RBM47: variants seen among roughly 807,000 people sequenced by gnomAD.
RBM47 encodes the protein RNA binding motif protein 47, also known as RNA-binding protein 47.
In RBM47, 21 loss-of-function variants were observed where a neutral mutation model predicts 47.1. The ratio of observed to expected loss-of-function variants is 0.45; its 90% CI spans 0.32 to 0.64. RBM47 has a LOEUF of 0.64. RBM47 is among the 30% of genes least tolerant of loss of function. RBM47 has a pLI of 0.05. For missense variants in RBM47, 708 were observed against 870.9 expected (o/e 0.81, Z 2.35); for synonymous variants, 375 against 361.7 (o/e 1.04, Z -0.42).
chr4:40,517,815 T>C (rs1249247384), intron 2 of RBM47, among the ~76,000 whole-genome samples: 1 of 152,214 alleles, frequency 6.6e-6, no homozygotes, highest in Non-Finnish European at 1.5e-5. Flanking sequence ...GCATAACAAC[T>C]ACTTACTAGC....
In RBM47 at chr4:40,489,876, T is replaced by C. The variant is rs1387657992; in HGVS notation, c.-154-23177A>G. On this transcript the variant is annotated intron_variant, in intron 2 of 6. Transcript: ENST00000295971. ...TATCAGAAAATGACAAATCAATATG[T>C]CTTATGCATATGGACTTTTTAAAAA... 2.0e-5 allele frequency among the ~76,000 whole-genome samples: 3 copies of C among 152,190 alleles called. No individual in the cohort carries two copies. The East Asian group carries it at 5.8e-4, about 29-fold the overall frequency.
At chr4:40,528,395 G>A (rs376307743) in intron 2 of RBM47, among the ~76,000 whole-genome samples, 3,120 of 141,706 alleles carry the variant, frequency 0.022, 104 homozygotes, top group African/African-American at 0.085. Context: ...GCGACAGAGT[G>A]AGGCTTTTTT....
chr4:40,609,056 T>C (rs1736014647), intron 1 of RBM47, among the ~76,000 whole-genome samples: 1 of 152,160 alleles, frequency 6.6e-6, no homozygotes, highest in Non-Finnish European at 1.5e-5. Context: ...TGCGGTGGCA[T>C]GATCTCAGCT....
At chr4:40,591,340 A>G (rs1165056388) in intron 1 of RBM47, among the ~76,000 whole-genome samples, 2 of 152,164 alleles carry the variant, frequency 1.3e-5, no homozygotes, top group Non-Finnish European at 2.9e-5. Context: ...TTAACTTTAC[A>G]TTATGTAAAT....
chr4:40,438,270 G>T lies in RBM47; in HGVS notation c.624C>A (p.Ala208=). Residue 208 remains alanine, a synonymous_variant, in exon 4 of 7, where the codon GCC becomes GCA. Transcript: ENST00000295971. ...CAGGCATGAGCTTGCGGCGAGCCATGGCAGCCGCGCGGTGGCTCTCGTACT... is the reference window on the plus strand; with the variant it reads ...CAGGCATGAGCTTGCGGCGAGCCATTGCAGCCGCGCGGTGGCTCTCGTACT... ...FVEYESHRAA[A]MARRKLMPGR... 1 of 1,603,840 alleles carries T rather than the reference G, an allele frequency of 6.2e-7. No individual in the cohort carries two copies. Among genetic ancestry groups the T allele is most frequent in the Non-Finnish European group, 8.5e-7 (1 of 1,179,864 alleles).
rs1738063461 is a variant in RBM47 at position 40,629,771 on chromosome 4, C to G, written c.-615G>C. On this transcript the variant is annotated 5_prime_UTR_variant, in exon 1 of 7. Coordinates refer to ENST00000295971, the MANE Select transcript of RBM47 (RefSeq NM_001098634.2). Reference sequence around the variant, plus strand: ...GCGAAGTTCTCTCGGGCTCAGCTCCCGAGGCCGGGAGCGCGCGGCGGTTCC... The same window carrying G: ...GCGAAGTTCTCTCGGGCTCAGCTCCGGAGGCCGGGAGCGCGCGGCGGTTCC... 1 of 152,312 alleles carries G rather than the reference C, an allele frequency of 6.6e-6. No homozygotes were observed. The highest frequency in any genetic ancestry group is 1.5e-5 in the Non-Finnish European group (1 of 68,030). The allele number at this position is 152,312 out of a possible 1,614,324, so 9.4% of individuals were successfully genotyped here. A position where few individuals can be genotyped will look rare whatever the true frequency, so the allele number is the denominator to read the frequency against.
chr4:40,589,148 A>T lies in RBM47; in HGVS notation c.-240+40248T>A, dbSNP rs550525071. The stretch of plus-strand genomic sequence containing the variant: ...ACCACCATGCTCAGCTAATTTTTTT[A>T]GTAGAGATGGGGTTTCACCATGTTG... On this transcript the variant is annotated intron_variant, in intron 1 of 6. Coordinates refer to ENST00000295971, the MANE Select transcript of RBM47 (RefSeq NM_001098634.2). Among the ~76,000 whole-genome samples the T allele has an allele frequency of 4.7e-5, 7 of 149,812 alleles. No individual in the cohort carries two copies. In the East Asian group the frequency reaches 1.4e-3, roughly 30 times the overall value.
At chr4:40,579,176 A>G (rs535306472) in intron 1 of RBM47, among the ~76,000 whole-genome samples, 2 of 151,610 alleles carry the variant, frequency 1.3e-5, no homozygotes, top group East Asian at 3.9e-4. Flanking sequence ...TAATCCCAGC[A>G]CTTTGGGAGG....
At chr4:40,535,371 C>CATTT (rs1727839946) in intron 2 of RBM47, among the ~76,000 whole-genome samples, 1 of 103,460 alleles carries the variant, frequency 9.7e-6, no homozygotes. Context: ...TATGGTATTT[C>CATTT]TTTTTTTTTT....
intron 1 of RBM47, among the ~76,000 whole-genome samples, chr4:40,624,931 C>CCTCT (rs1337857910): frequency 3.1e-5 from 4 of 130,020 alleles, no homozygotes; most frequent in African/African-American, 1.2e-4. Context: ...CTCACTGCAA[C>CCTCT]CTCTGCCTCC....
intron 1 of RBM47, among the ~76,000 whole-genome samples, chr4:40,581,465 T>TAAATAAATAAAC (rs1286437869): frequency 6.6e-6 from 1 of 150,400 alleles, no homozygotes. Flanking sequence ...AATAAATAAA[T>TAAATAAATAAAC]AAAAGGAGAG....
intron 1 of RBM47, among the ~76,000 whole-genome samples, chr4:40,611,663 G>C (rs1204566137): frequency 6.6e-6 from 1 of 152,100 alleles, no homozygotes; most frequent in Non-Finnish European, 1.5e-5. Flanking sequence ...GGGAGGCAGA[G>C]GTTGCGGTGA....
chr4:40,436,138 C>A (rs1474560261), intron 5 of RBM47, among the ~76,000 whole-genome samples: 1 of 149,774 alleles, frequency 6.7e-6, no homozygotes, highest in Non-Finnish European at 1.5e-5. Context: ...TGCCACTGCA[C>A]TCCAGCCTGG....
intron 2 of RBM47, among the ~76,000 whole-genome samples, chr4:40,507,682 G>A (rs1388806360): frequency 1.3e-5 from 2 of 152,056 alleles, no homozygotes; most frequent in Admixed American, 1.3e-4. Context: ...AGCTACTTGG[G>A]AGGCTGAGGC....
intron 1 of RBM47, among the ~76,000 whole-genome samples, chr4:40,599,616 C>G (rs1183148111): frequency 6.6e-6 from 1 of 152,044 alleles, no homozygotes; most frequent in Non-Finnish European, 1.5e-5. Context: ...TGTAAGAAGT[C>G]CAACCACCCA....
intron 2 of RBM47, among the ~76,000 whole-genome samples, chr4:40,518,430 C>G (rs1297213672): frequency 6.6e-6 from 1 of 152,112 alleles, no homozygotes; most frequent in Non-Finnish European, 1.5e-5. Flanking sequence ...CCTGCCTCGG[C>G]CTCCCAAAGT....
intron 2 of RBM47, among the ~76,000 whole-genome samples, chr4:40,539,055 C>A (rs1025295981): frequency 1.3e-5 from 2 of 152,068 alleles, no homozygotes; most frequent in Non-Finnish European, 2.9e-5. Context: ...ATATGATGGT[C>A]CTATGTAGAT....
chr4:40,425,880 C>A lies in RBM47; in HGVS notation c.*24G>T. 1.2e-6 allele frequency: 2 copies of A among 1,607,254 alleles called. No homozygotes were observed. The highest frequency in any genetic ancestry group is 1.1e-5 in the South Asian group (1 of 90,784). ...GTTCCTTCAGTGGTGTTTGTGTGGT[C>A]TGTCTTCGTGCTGGTCACCAGCCTC... On this transcript the variant is annotated 3_prime_UTR_variant, in exon 7 of 7. Coordinates refer to ENST00000295971, the MANE Select transcript of RBM47 (RefSeq NM_001098634.2).
intron 1 of RBM47, among the ~76,000 whole-genome samples, chr4:40,625,138 G>C (rs554403817): frequency 6.6e-6 from 1 of 152,094 alleles, no homozygotes; most frequent in African/African-American, 2.4e-5. Context: ...ATGAGCCACC[G>C]TGCCCAGCCT....
Sources: allele counts gnomAD v4.1 joint callset (sites outside exome capture counted in the v4.1 genomes callset), GRCh38; gene constraint gnomAD v4.1.1; transcripts MANE v1.5; gene names NCBI Gene and HGNC (gene_info 2026-07-23, HGNC 2026-07-21).